PGM3: variants seen among roughly 807,000 people sequenced by gnomAD.
PGM3 encodes phosphoglucomutase 3, also known as phosphoacetylglucosamine mutase.
PGM3 carries 40 observed loss-of-function variants against 66.2 expected under a neutral mutation model. The observed-to-expected ratio is 0.60, with a 90% CI of 0.47 to 0.79. The LOEUF is 0.79. Ranked by LOEUF, PGM3 falls within the 30% of genes least tolerant of loss-of-function variation. PGM3 has a pLI of 0.00. For synonymous variants in PGM3, 191 were observed against 224.2 expected (o/e 0.85, Z 1.32); for missense variants, 537 against 643.4 (o/e 0.83, Z 1.79).
downstream of PGM3, chr6:83,162,650 G>A: frequency 1.1e-6 from 1 of 872,598 alleles, no homozygotes; most frequent in Non-Finnish European, 1.7e-6. Context: ...TACCCAAAGT[G>A]ACAAGGCTAC....
At chr6:83,187,811 A>G (rs13198278) in intron 3 of PGM3, among the ~76,000 whole-genome samples, 36,970 of 152,166 alleles carry the variant, frequency 0.24, 4,675 homozygotes, top group Middle Eastern at 0.33. Context: ...TCAAAAAAAT[A>G]AAAAATAATA....
At position 83,167,889 on chromosome 6, in the gene PGM3, A is replaced by G; in HGVS notation, c.*1345T>C. 6.2e-7 allele frequency: 1 copy of G among 1,611,982 alleles called. No homozygotes were observed. The highest frequency in any genetic ancestry group is 1.1e-5 in the South Asian group (1 of 90,796). ...AAATCCAGAGGAAGACAACTCAGGGAGAACATTGGGTTGGGAGCCAGGGCA... is the reference window on the plus strand; with the variant it reads ...AAATCCAGAGGAAGACAACTCAGGGGGAACATTGGGTTGGGAGCCAGGGCA... On this transcript the variant is annotated 3_prime_UTR_variant, in exon 13 of 13. Transcript: ENST00000513973.
downstream of PGM3, chr6:83,162,692 A>G (rs1784508750): frequency 7.5e-7 from 1 of 1,337,092 alleles, no homozygotes; most frequent in Non-Finnish European, 1.0e-6. Flanking sequence ...AATTTTTATA[A>G]GCAGTGGGGT....
rs557748961 is a variant in PGM3, at chr6:83,190,813, G to A, written c.200C>T (p.Pro67Leu). 1 of 1,612,700 alleles carries A rather than the reference G, an allele frequency of 6.2e-7. No individual in the cohort carries two copies. Among genetic ancestry groups the A allele is most frequent in the South Asian group, 1.1e-5 (1 of 91,050 alleles). ...TCAGGGCACTAAACCCATTACCTCA[G>A]GATTGTGGGACGCTGTTACCATGAC... ...IGVMVTASHN[P>L]EEDNGVKLVD... The change falls in exon 2 of 13, where the codon CCT (proline) becomes CTT (leucine). Residue 67 changes from proline (P) to leucine (L), a missense_variant. Physicochemically the swap from Pro to Leu is moderately conservative, Grantham distance 98. Coordinates refer to ENST00000513973, the MANE Select transcript of PGM3 (RefSeq NM_015599.3).
chr6:83,159,715 T>C, downstream of PGM3: 1 of 1,478,866 alleles, frequency 6.8e-7, no homozygotes, highest in Non-Finnish European at 9.4e-7. Flanking sequence ...TGAAAAATAT[T>C]AGCTGGTACT....
In PGM3 at chr6:83,166,337, C is replaced by T. The variant is rs905303944; in HGVS notation, c.*2897G>A. On this transcript the variant is annotated 3_prime_UTR_variant, in exon 13 of 13. Transcript: ENST00000513973. ...ATCAATTTCCGATGACTGGCCACTG[C>T]ACTCCTCATCTTCAAGGCTCTAGTC... The T allele has an allele frequency of 7.0e-5, 48 of 687,038 alleles. No homozygotes were observed. The highest frequency in any genetic ancestry group is 5.1e-4 in the Middle Eastern group (2 of 3,924). 42.6% of individuals were successfully genotyped at this position (687,038 alleles called of 1,614,324 possible). A position where few individuals can be genotyped will look rare whatever the true frequency, so the allele number is the denominator to read the frequency against.
At chr6:83,158,708 G>C, downstream of PGM3, 1 of 882,284 alleles carries the variant, frequency 1.1e-6, no homozygotes, top group Non-Finnish European at 1.7e-6. Context: ...GGAGAATATA[G>C]TCTTTTTCTG....
intron 8 of PGM3, among the ~76,000 whole-genome samples, chr6:83,176,318 C>T (rs751564627): frequency 2.0e-5 from 3 of 152,076 alleles, no homozygotes; most frequent in Non-Finnish European, 4.4e-5. Context: ...CAAGTGGGGG[C>T]GTGACATGAC....
intron 8 of PGM3, among the ~76,000 whole-genome samples, chr6:83,177,325 G>C (rs943530527): frequency 6.6e-6 from 1 of 152,124 alleles, no homozygotes; most frequent in African/African-American, 2.4e-5. Flanking sequence ...CAGACTTCCA[G>C]TTTTGTCCAT....
At chr6:83,185,002 G>A (rs909293310) in intron 4 of PGM3, among the ~76,000 whole-genome samples, 2 of 152,156 alleles carry the variant, frequency 1.3e-5, no homozygotes, top group Non-Finnish European at 2.9e-5. Flanking sequence ...AGAGAGAAAT[G>A]AAGGAAAGGT....
chr6:83,151,676 G>A, the PGM3 span: 7 of 1,588,966 alleles, frequency 4.4e-6, no homozygotes, highest in Non-Finnish European at 6.0e-6. Context: ...CAGTCTAAGA[G>A]CTGTTGCCAA....
the PGM3 span, chr6:83,154,329 G>A: frequency 3.2e-6 from 4 of 1,235,248 alleles, no homozygotes; most frequent in Non-Finnish European, 4.7e-6. Flanking sequence ...GAGACTAGGA[G>A]ACTACTGAAT....
In PGM3 at chr6:83,165,904, T is replaced by C; in HGVS notation, c.*3330A>G. On this transcript the variant is annotated 3_prime_UTR_variant, in exon 13 of 13. Transcript: ENST00000513973. ...ACTTATCAGATGTAATGGTTTCACC[T>C]GGATTCAGAAAGCTGTAGTGGATCA... The C allele has an allele frequency of 2.5e-6, 1 of 407,812 alleles. No homozygotes were observed. Among genetic ancestry groups the C allele is most frequent in the Non-Finnish European group, 4.9e-6 (1 of 204,292 alleles). 25.3% of individuals were successfully genotyped at this position (407,812 alleles called of 1,614,324 possible). A position where few individuals can be genotyped will look rare whatever the true frequency, so the allele number is the denominator to read the frequency against.
In PGM3 at chr6:83,179,796, T is replaced by A. The variant is rs1233610285; in HGVS notation, c.945+14A>T. 6.3e-7 allele frequency: 1 copy of A among 1,595,378 alleles called. No homozygotes were observed. The highest frequency in any genetic ancestry group is 1.7e-5 in the Admixed American group (1 of 57,716). ...AAGTCTTGTTTTAGAGGGTAGCCAA[T>A]CCCCCCACCATACCTCCACCAGGAG... On this transcript the variant is annotated intron_variant, in intron 7 of 12. Coordinates refer to ENST00000513973, the MANE Select transcript of PGM3 (RefSeq NM_015599.3).
chr6:83,164,799 A>C (rs894993836), downstream of PGM3: 154 of 1,181,518 alleles, frequency 1.3e-4, 1 homozygote, highest in Admixed American at 2.7e-4. Context: ...TCTGAATGTC[A>C]ACAAGTACAA....
chr6:83,150,257 C>G, the PGM3 span, among the ~76,000 whole-genome samples: 2,828 of 152,144 alleles, frequency 0.019, 96 homozygotes, highest in African/African-American at 0.064. Flanking sequence ...GCCTGTAGTC[C>G]CAGCTACACA....
chr6:83,188,503 T>G, intron 3 of PGM3, 111 bp downstream of exon 3: 1 of 813,882 alleles, frequency 1.2e-6, no homozygotes, highest in Non-Finnish European at 2.0e-6. Flanking sequence ...GACATGCAAC[T>G]CAGGGTAGTT....
At chr6:83,149,108 A>G in the PGM3 span, among the ~76,000 whole-genome samples, 1 of 152,136 alleles carries the variant, frequency 6.6e-6, no homozygotes, top group Admixed American at 6.5e-5. Context: ...TAAAACTGTT[A>G]CAACAGTAGC....
chr6:83,165,794 G>A lies in PGM3; in HGVS notation c.*3440C>T. Reference sequence around the variant, plus strand: ...GTGCAACGTGCGGCCCAGTGTTGTCGTGAAAAGAATTGGGCCCTTTCTGGT... The same window carrying A: ...GTGCAACGTGCGGCCCAGTGTTGTCATGAAAAGAATTGGGCCCTTTCTGGT... On this transcript the variant is annotated 3_prime_UTR_variant, in exon 13 of 13. Transcript: ENST00000513973. 6.9e-6 allele frequency: 2 copies of A among 289,054 alleles called. No individual in the cohort carries two copies. The highest frequency in any genetic ancestry group is 2.2e-5 in the African/African-American group (1 of 45,580). The allele number at this position is 289,054 out of a possible 1,614,324, so 17.9% of individuals were successfully genotyped here.
Sources: allele counts gnomAD v4.1 joint callset (sites outside exome capture counted in the v4.1 genomes callset), GRCh38; gene constraint gnomAD v4.1.1; transcripts MANE v1.5; gene names NCBI Gene and HGNC (gene_info 2026-07-23, HGNC 2026-07-21).